Variants in LINGO2 observed in about 807,000 individuals in gnomAD.
LINGO2 encodes leucine rich repeat and Ig domain containing 2.
Under a neutral mutation model 30.6 loss-of-function variants are expected in LINGO2, and 14 were observed. The ratio of observed to expected loss-of-function variants is 0.46; its 90% CI spans 0.30 to 0.72. LINGO2 has a LOEUF of 0.72. Among genes scored for constraint, LINGO2 ranks in the 30% least tolerant of loss-of-function variants. The pLI, the probability that LINGO2 is intolerant of heterozygous loss-of-function variation, is 0.07. For synonymous variants in LINGO2, 317 were observed against 288.5 expected (o/e 1.10, Z -1.00); for missense variants, 729 against 751.7 (o/e 0.97, Z 0.35).
At chr9:29,055,606 T>C in the LINGO2 span, among the ~76,000 whole-genome samples, 1 of 152,156 alleles carries the variant, frequency 6.6e-6, no homozygotes, top group Admixed American at 6.5e-5. Context: ...ATATGTGGTG[T>C]TTGGTTACAC....
intron 4 of LINGO2, among the ~76,000 whole-genome samples, chr9:28,236,849 CAAT>C (rs1320091554): frequency 6.6e-6 from 1 of 151,730 alleles, no homozygotes; most frequent in Admixed American, 6.6e-5. Context: ...GAACTATAGT[CAAT>C]AATAATTTAA....
At chr9:28,731,607 G>T in the LINGO2 span, among the ~76,000 whole-genome samples, 1 of 152,068 alleles carries the variant, frequency 6.6e-6, no homozygotes, top group African/African-American at 2.4e-5. Flanking sequence ...TGAGGGACAC[G>T]GGCTACTTGG....
the LINGO2 span, among the ~76,000 whole-genome samples, chr9:29,072,325 T>C: frequency 3.3e-5 from 5 of 152,082 alleles, no homozygotes; most frequent in Admixed American, 2.0e-4. Context: ...TACATATAAA[T>C]AGAACGACAG....
intron 4 of LINGO2, among the ~76,000 whole-genome samples, chr9:28,269,578 T>C (rs1564085778): frequency 6.6e-6 from 1 of 152,130 alleles, no homozygotes; most frequent in African/African-American, 2.4e-5. Flanking sequence ...TTTCTCAAGC[T>C]TTATACTATG....
chr9:28,867,376 T>A, the LINGO2 span, among the ~76,000 whole-genome samples: 1 of 150,590 alleles, frequency 6.6e-6, no homozygotes, highest in Non-Finnish European at 1.5e-5. Flanking sequence ...ATATTGAAAA[T>A]AAACAATGCA....
chr9:28,673,051 G>A (rs1157093052), upstream of LINGO2, among the ~76,000 whole-genome samples: 1 of 152,092 alleles, frequency 6.6e-6, no homozygotes, highest in Non-Finnish European at 1.5e-5. Context: ...AAAGAAGTTG[G>A]GTGAAATGTG....
chr9:28,516,592 T>C (rs1820628161), intron 1 of LINGO2, among the ~76,000 whole-genome samples: 1 of 152,192 alleles, frequency 6.6e-6, no homozygotes, highest in South Asian at 2.1e-4. Flanking sequence ...AAATAGGTGA[T>C]GCCAATAATA....
chr9:28,740,589 T>C, the LINGO2 span, among the ~76,000 whole-genome samples: 1 of 151,954 alleles, frequency 6.6e-6, no homozygotes, highest in Non-Finnish European at 1.5e-5. Flanking sequence ...TCTTTTTTAA[T>C]TTCTGTTTCT....
intron 4 of LINGO2, among the ~76,000 whole-genome samples, chr9:28,202,724 A>T (rs1478608068): frequency 6.6e-6 from 1 of 152,150 alleles, no homozygotes. Flanking sequence ...TATTTTCACA[A>T]ATGTAAAATG....
chr9:29,019,310 T>C, the LINGO2 span, among the ~76,000 whole-genome samples: 2 of 152,162 alleles, frequency 1.3e-5, no homozygotes, highest in Non-Finnish European at 2.9e-5. Flanking sequence ...TACTAGTTCT[T>C]CAGGGCATGC....
intron 4 of LINGO2, among the ~76,000 whole-genome samples, chr9:28,169,070 C>A (rs1420200322): frequency 6.6e-6 from 1 of 152,198 alleles, no homozygotes; most frequent in African/African-American, 2.4e-5. Context: ...GGCACACACA[C>A]ACAAAAGCCA....
the LINGO2 span, among the ~76,000 whole-genome samples, chr9:29,118,618 C>T: frequency 6.6e-6 from 1 of 152,126 alleles, no homozygotes; most frequent in African/African-American, 2.4e-5. Flanking sequence ...GGTGGGCTCC[C>T]TGAGCATGAT....
At chr9:28,797,392 A>AGAGAGG in the LINGO2 span, among the ~76,000 whole-genome samples, 67 of 146,062 alleles carry the variant, frequency 4.6e-4, no homozygotes, top group Middle Eastern at 3.7e-3. Context: ...AGAGAGAGAG[A>AGAGAGG]GAGAAAGCCT....
At chr9:28,595,052 G>A (rs1825109891) in intron 1 of LINGO2, among the ~76,000 whole-genome samples, 1 of 151,990 alleles carries the variant, frequency 6.6e-6, no homozygotes, top group South Asian at 2.1e-4. Context: ...CGATCAGAAT[G>A]GATATTCATG....
At chr9:28,504,970 A>G (rs887352492) in intron 1 of LINGO2, among the ~76,000 whole-genome samples, 1 of 151,826 alleles carries the variant, frequency 6.6e-6, no homozygotes, top group Non-Finnish European at 1.5e-5. Context: ...CAATGAGGAG[A>G]CCAAAATGAT....
intron 4 of LINGO2, among the ~76,000 whole-genome samples, chr9:28,216,095 A>T (rs1255953799): frequency 6.6e-6 from 1 of 151,930 alleles, no homozygotes; most frequent in African/African-American, 2.4e-5. Context: ...ATGTGATAGC[A>T]AATCCTTAAC....
At chr9:28,849,266 T>TTGC in the LINGO2 span, among the ~76,000 whole-genome samples, 1 of 126 alleles carries the variant, frequency 7.9e-3, no homozygotes, top group Non-Finnish European at 0.016. Context: ...AAGCAGCTTT[T>TTGC]TGTTGTTGTA....
intron 2 of LINGO2, among the ~76,000 whole-genome samples, chr9:28,421,252 A>C (rs10812816): frequency 0.13 from 19,259 of 151,916 alleles, 1,414 homozygotes; most frequent in East Asian, 0.24. Flanking sequence ...TGTAACTAAA[A>C]ACTACAAAAC....
rs547051174 is a variant in LINGO2, at chr9:28,566,925, T to C, written c.-364-90900A>G. 2.0e-5 allele frequency among the ~76,000 whole-genome samples: 3 copies of C among 152,326 alleles called. No homozygotes were observed. The South Asian group carries it at 6.2e-4, about 32-fold the overall frequency. On this transcript the variant is annotated intron_variant, in intron 1 of 5. Transcript: ENST00000379992. ...TGCTAACTTCTTTAAAGTGGCCAAC[T>C]ACAGTAGTGCAAAACCAATAGTTGA... is the stretch of plus-strand genomic sequence containing the variant.
Sources: allele counts gnomAD v4.1 joint callset (sites outside exome capture counted in the v4.1 genomes callset), GRCh38; gene constraint gnomAD v4.1.1; transcripts MANE v1.5; gene names NCBI Gene and HGNC (gene_info 2026-07-23, HGNC 2026-07-21).